Variants in IST1 observed in about 807,000 individuals in gnomAD.
IST1 encodes the protein IST1 factor associated with ESCRT-III.
In IST1, 23 loss-of-function variants were observed where a neutral mutation model predicts 37.0. The observed-to-expected ratio is 0.62, with a 90% CI of 0.45 to 0.88. The LOEUF (loss-of-function observed/expected upper bound fraction) is 0.88. IST1 is among the 40% of genes least tolerant of loss of function. The probability of loss-of-function intolerance (pLI) is 0.00; values close to 1 mark genes in which losing one functional copy is unlikely to be tolerated. For synonymous variants in IST1, 180 were observed against 161.7 expected (o/e 1.11, Z -0.86); for missense variants, 488 against 445.4 (o/e 1.10, Z -0.86).
intron 4 of IST1, among the ~76,000 whole-genome samples, chr16:71,917,947 T>C (rs2142572974): frequency 6.6e-6 from 1 of 152,356 alleles, no homozygotes; most frequent in East Asian, 1.9e-4. Flanking sequence ...TTTCCAAAGA[T>C]TTAGTGGTCC....
chr16:71,922,732 A>G (rs926946251), intron 7 of IST1, 52 bp downstream of exon 7: 59 of 1,465,026 alleles, frequency 4.0e-5, no homozygotes, highest in Non-Finnish European at 5.3e-5. Context: ...ATAGATAACA[A>G]GTTGGCTCTG....
intron 8 of IST1, among the ~76,000 whole-genome samples, chr16:71,923,786 A>C (rs2037669334): frequency 6.7e-6 from 1 of 150,118 alleles, no homozygotes. Flanking sequence ...GAGTGACCAG[A>C]TTGATCTTAA....
intron 6 of IST1, 30 bp downstream of exon 6, chr16:71,921,483 T>G: frequency 1.4e-6 from 2 of 1,408,648 alleles, no homozygotes; most frequent in South Asian, 2.3e-5. Flanking sequence ...CAAAGAAAAA[T>G]GAGTTTGTAG....
chr16:71,895,537 G>C lies in IST1; in HGVS notation c.-68G>C. ...TGAGGCCGAGGGAGTCGCCATTTTG[G>C]ATGGTGAACCCTGAAGTCGGTGTCT... On this transcript the variant is annotated 5_prime_UTR_variant, in exon 1 of 10. Transcript: ENST00000378799. 3 of 985,706 alleles carry C rather than the reference G, an allele frequency of 3.0e-6. No homozygotes were observed. Among genetic ancestry groups the C allele is most frequent in the Middle Eastern group, 1.0e-3 (2 of 1,916 alleles). The allele number at this position is 985,706 out of a possible 1,614,324, so 61.1% of individuals were successfully genotyped here. A position where few individuals can be genotyped will look rare whatever the true frequency, so the allele number is the denominator to read the frequency against.
chr16:71,907,954 C>A (rs1032496265), intron 1 of IST1, among the ~76,000 whole-genome samples: 6 of 151,280 alleles, frequency 4.0e-5, no homozygotes, highest in East Asian at 3.9e-4. Context: ...TATGTCTTTA[C>A]TTTTTTTTTG....
intron 8 of IST1, 32 bp downstream of exon 8, chr16:71,923,412 G>A: frequency 7.3e-7 from 1 of 1,379,086 alleles, no homozygotes; most frequent in Non-Finnish European, 1.0e-6. Flanking sequence ...ATAAGCAACA[G>A]GAGAGTGAAT....
chr16:71,896,303 C>T (rs565697733), intron 1 of IST1, among the ~76,000 whole-genome samples: 33 of 151,924 alleles, frequency 2.2e-4, no homozygotes, highest in African/African-American at 7.2e-4. Context: ...GGGTCGGGAC[C>T]CAGGAGCTGT....
At chr16:71,909,150 A>G (rs1256232610) in intron 1 of IST1, among the ~76,000 whole-genome samples, 1 of 125,176 alleles carries the variant, frequency 8.0e-6, no homozygotes, top group East Asian at 2.7e-4. Context: ...CCAGGCCTGG[A>G]GTGCAGTGTC....
intron 1 of IST1, among the ~76,000 whole-genome samples, chr16:71,899,151 A>C (rs1475884883): frequency 6.6e-6 from 1 of 152,186 alleles, no homozygotes; most frequent in Non-Finnish European, 1.5e-5. Context: ...TTTCTTGTGA[A>C]TAACACATGA....
intron 1 of IST1, among the ~76,000 whole-genome samples, chr16:71,914,751 C>T (rs756479635): frequency 3.9e-5 from 6 of 152,106 alleles, no homozygotes; most frequent in Non-Finnish European, 7.3e-5. Context: ...TTCTTTGGTG[C>T]TCTTTTGATT....
intron 1 of IST1, among the ~76,000 whole-genome samples, chr16:71,912,933 C>T (rs952560898): frequency 1.3e-5 from 2 of 152,274 alleles, no homozygotes; most frequent in African/African-American, 2.4e-5. Context: ...GGTAGGATTT[C>T]CTTTCCTTTC....
intron 1 of IST1, among the ~76,000 whole-genome samples, chr16:71,910,846 C>T (rs543009772): frequency 6.6e-6 from 1 of 152,086 alleles, no homozygotes; most frequent in African/African-American, 2.4e-5. Context: ...TGAGGCTTCC[C>T]TTCAGCTCTA....
chr16:71,921,953 C>G (rs990238759), intron 6 of IST1, among the ~76,000 whole-genome samples: 1 of 152,070 alleles, frequency 6.6e-6, no homozygotes. Flanking sequence ...CTGGCTAACA[C>G]GGTGAAACCC....
chr16:71,925,549 T>C lies in IST1; in HGVS notation c.901+732T>C, dbSNP rs527675590. ...CAGGCTGGTCTTGAACTCCTGACCTTGTGATCCGCCTGCCTCAGCCTCCCA... is the reference window on the plus strand; with the variant it reads ...CAGGCTGGTCTTGAACTCCTGACCTCGTGATCCGCCTGCCTCAGCCTCCCA... On this transcript the variant is annotated intron_variant, in intron 9 of 9. Coordinates refer to ENST00000378799, the MANE Select transcript of IST1 (RefSeq NM_001270975.2). Among the ~76,000 whole-genome samples the C allele has an allele frequency of 4.1e-4, 62 of 152,054 alleles. No individual in the cohort carries two copies. The South Asian group carries it at 6.4e-3, about 16-fold the overall frequency.
intron 9 of IST1, among the ~76,000 whole-genome samples, chr16:71,926,345 T>G (rs1567475941): frequency 6.6e-6 from 1 of 151,458 alleles, no homozygotes; most frequent in East Asian, 1.9e-4. Context: ...TTAAAAAAAC[T>G]CATAGTTTTT....
At chr16:71,914,907 C>T (rs188777521) in intron 1 of IST1, among the ~76,000 whole-genome samples, 1 of 152,254 alleles carries the variant, frequency 6.6e-6, no homozygotes, top group Non-Finnish European at 1.5e-5. Context: ...CAATGGTATA[C>T]CCTAAAGTCT....
At position 71,930,024 on chromosome 16, in the gene IST1, C is replaced by CAT; in HGVS notation, c.*2212_*2213dup. ...TGGAGCTTTCCCAGTGATATAACAG[C>CAT]ATGCTAGTTTATCTTTTAGTTACCT... On this transcript the variant is annotated 3_prime_UTR_variant, in exon 10 of 10. Transcript: ENST00000378799. 6.5e-7 allele frequency: 1 copy of CAT among 1,539,074 alleles called. No homozygotes were observed. Among genetic ancestry groups the CAT allele is most frequent in the Non-Finnish European group, 8.8e-7 (1 of 1,141,752 alleles).
intron 1 of IST1, among the ~76,000 whole-genome samples, chr16:71,914,027 C>T (rs1015622770): frequency 6.6e-5 from 10 of 151,842 alleles, no homozygotes; most frequent in Admixed American, 1.3e-4. Flanking sequence ...AGGCTGATCT[C>T]GAACTCCCGA....
rs1028150138 is a variant in IST1 at position 71,929,351 on chromosome 16, C to T, written c.*1538C>T. ...GCTTGGCAGCAGAGCTAGTTTGTCTCGTAGTATTCTTGCATTGTTAATCCT... is the reference window on the plus strand; with the variant it reads ...GCTTGGCAGCAGAGCTAGTTTGTCTTGTAGTATTCTTGCATTGTTAATCCT... On this transcript the variant is annotated 3_prime_UTR_variant, in exon 10 of 10. Transcript: ENST00000378799. 17 of 542,536 alleles carry T rather than the reference C, an allele frequency of 3.1e-5. No homozygotes were observed. Among genetic ancestry groups the T allele is most frequent in the African/African-American group, 3.8e-5 (2 of 52,272 alleles). The allele number at this position is 542,536 out of a possible 1,614,324, so 33.6% of individuals were successfully genotyped here.
Sources: allele counts gnomAD v4.1 joint callset (sites outside exome capture counted in the v4.1 genomes callset), GRCh38; gene constraint gnomAD v4.1.1; transcripts MANE v1.5; gene names NCBI Gene and HGNC (gene_info 2026-07-23, HGNC 2026-07-21).